The following WWOX variants were observed in gnomAD, a reference collection of about 807,000 sequenced individuals.
WWOX encodes WW domain-containing oxidoreductase.
A neutral mutation model predicts 46.2 loss-of-function variants in WWOX; 69 were observed. That is an observed-to-expected ratio of 1.49 (90% CI 1.23 to 1.82). The LOEUF (loss-of-function observed/expected upper bound fraction) is 1.82. WWOX is among the 40% of genes most tolerant of loss of function. The probability of loss-of-function intolerance (pLI) is 0.00; values close to 1 mark genes in which losing one functional copy is unlikely to be tolerated. For synonymous variants in WWOX, 359 were observed against 202.6 expected (o/e 1.77, Z -6.56); for missense variants, 919 against 542.6 (o/e 1.69, Z -6.89).
At chr16:78,787,636 T>A (rs983000194) in intron 8 of WWOX, among the ~76,000 whole-genome samples, 2 of 152,196 alleles carry the variant, frequency 1.3e-5, no homozygotes, top group African/African-American at 4.8e-5. Context: ...ATGTACTGTT[T>A]TTATGTTTTC....
chr16:78,384,137 T>C (rs1269729875), intron 5 of WWOX, among the ~76,000 whole-genome samples: 2 of 152,224 alleles, frequency 1.3e-5, no homozygotes, highest in East Asian at 1.9e-4. Flanking sequence ...TTTTATAATA[T>C]GTAGCCTGCA....
intron 8 of WWOX, among the ~76,000 whole-genome samples, chr16:78,708,402 C>T (rs2048370777): frequency 6.6e-6 from 1 of 152,172 alleles, no homozygotes; most frequent in Admixed American, 6.5e-5. Flanking sequence ...TAGCACCTAC[C>T]TGTGACATCT....
intron 8 of WWOX, among the ~76,000 whole-genome samples, chr16:78,827,746 C>T (rs2051701728): frequency 1.3e-5 from 2 of 151,930 alleles, no homozygotes; most frequent in South Asian, 4.2e-4. Flanking sequence ...GAGGCTAAGG[C>T]AGGAGAATCA....
chr16:78,880,392 G>C (rs946534286), intron 8 of WWOX, among the ~76,000 whole-genome samples: 3 of 152,126 alleles, frequency 2.0e-5, no homozygotes, highest in Non-Finnish European at 4.4e-5. Flanking sequence ...GAAGCCCTCC[G>C]GGAATTATGC....
At chr16:78,719,948 C>G (rs1486562958) in intron 8 of WWOX, among the ~76,000 whole-genome samples, 1 of 152,068 alleles carries the variant, frequency 6.6e-6, no homozygotes, top group East Asian at 1.9e-4. Flanking sequence ...CCAAAGTGTT[C>G]TATTCTAAGC....
At chr16:78,728,055 C>CTT (rs758484198) in intron 8 of WWOX, among the ~76,000 whole-genome samples, 2,954 of 86,790 alleles carry the variant, frequency 0.034, 331 homozygotes, top group African/African-American at 0.12. Flanking sequence ...TCCCTCCTTC[C>CTT]TTTTTTTTTT....
chr16:78,437,602 C>G (rs1485242596), intron 8 of WWOX, among the ~76,000 whole-genome samples: 1 of 152,162 alleles, frequency 6.6e-6, no homozygotes, highest in Non-Finnish European at 1.5e-5. Flanking sequence ...GAGAACTGGA[C>G]AAGTGTATTG....
chr16:78,680,952 A>G (rs1439336126), intron 8 of WWOX, among the ~76,000 whole-genome samples: 1 of 152,152 alleles, frequency 6.6e-6, no homozygotes. Flanking sequence ...GTCTACAAAA[A>G]ACTAAAAAAA....
chr16:78,368,217 C>T (rs1189759212), intron 5 of WWOX, among the ~76,000 whole-genome samples: 1 of 152,158 alleles, frequency 6.6e-6, no homozygotes, highest in East Asian at 1.9e-4. Flanking sequence ...AGGTTATGTT[C>T]TCAAAAGCCT....
intron 8 of WWOX, among the ~76,000 whole-genome samples, chr16:78,720,068 C>T (rs2142349639): frequency 6.6e-6 from 1 of 152,264 alleles, no homozygotes; most frequent in East Asian, 1.9e-4. Context: ...ACAACGATTT[C>T]AATTTAATCG....
intron 8 of WWOX, among the ~76,000 whole-genome samples, chr16:79,169,102 C>T (rs1413946628): frequency 6.6e-6 from 1 of 152,114 alleles, no homozygotes; most frequent in Non-Finnish European, 1.5e-5. Context: ...CCCACTTAAT[C>T]CTCCACTTCA....
At chr16:78,373,722 A>G (rs1004119975) in intron 5 of WWOX, among the ~76,000 whole-genome samples, 2 of 152,070 alleles carry the variant, frequency 1.3e-5, no homozygotes, top group Non-Finnish European at 2.9e-5. Flanking sequence ...TAAATTTGAA[A>G]TAATTTCTGT....
chr16:78,575,039 AT>A (rs2044830098), intron 8 of WWOX, among the ~76,000 whole-genome samples: 1 of 3,366 alleles, frequency 3.0e-4, no homozygotes, highest in Non-Finnish European at 5.3e-4. Context: ...ATATATATAT[AT>A]ATATATATAT....
chr16:78,213,401 C>A (rs1224573014), intron 5 of WWOX, among the ~76,000 whole-genome samples: 1 of 151,708 alleles, frequency 6.6e-6, no homozygotes, highest in Admixed American at 6.6e-5. Context: ...TGCTTCTCCC[C>A]ACAATCCATT....
At chr16:78,945,829 G>A (rs960519888) in intron 8 of WWOX, among the ~76,000 whole-genome samples, 3 of 152,102 alleles carry the variant, frequency 2.0e-5, no homozygotes, top group East Asian at 1.9e-4. Context: ...TATGGGTTGA[G>A]CATGGAGGGA....
intron 8 of WWOX, among the ~76,000 whole-genome samples, chr16:79,030,330 A>T (rs1474750414): frequency 6.6e-6 from 1 of 152,208 alleles, no homozygotes; most frequent in Admixed American, 6.5e-5. Context: ...AGATCTTCTG[A>T]AAAGGAATCT....
At chr16:78,509,323 C>A (rs545970414) in intron 8 of WWOX, among the ~76,000 whole-genome samples, 1 of 152,236 alleles carries the variant, frequency 6.6e-6, no homozygotes, top group South Asian at 2.1e-4. Flanking sequence ...ACCTGTAGTC[C>A]TAGCTACTTA....
chr16:79,138,091 C>T (rs1432685484), intron 8 of WWOX, among the ~76,000 whole-genome samples: 1 of 152,170 alleles, frequency 6.6e-6, no homozygotes, highest in Non-Finnish European at 1.5e-5. Flanking sequence ...AGCCCAAGCC[C>T]TGTGATCCAC....
intron 6 of WWOX, among the ~76,000 whole-genome samples, chr16:78,418,869 CT>C (rs1037405992): frequency 2.2e-4 from 33 of 152,092 alleles, no homozygotes; most frequent in African/African-American, 8.0e-4. Context: ...GTACCGTCCC[CT>C]TAGGATCAAG....
Sources: gnomAD v4.1 joint callset for allele counts (sites outside exome capture counted in the v4.1 genomes callset) on GRCh38, gnomAD v4.1.1 for gene constraint, MANE v1.5 for transcripts, NCBI Gene and HGNC (gene_info 2026-07-23, HGNC 2026-07-21) for gene names.